The following PLEKHG4B variants were observed in gnomAD, a reference collection of about 807,000 sequenced individuals.
PLEKHG4B encodes the protein pleckstrin homology domain-containing family G member 4B.
In PLEKHG4B, 111 loss-of-function variants were observed where a neutral mutation model predicts 121.3. The observed-to-expected ratio is 0.92, with a 90% CI of 0.78 to 1.07. PLEKHG4B has a LOEUF of 1.07. PLEKHG4B is among the 50% of genes least tolerant of loss of function. The probability of loss-of-function intolerance (pLI) is 0.00; values close to 1 mark genes in which losing one functional copy is unlikely to be tolerated. For synonymous variants in PLEKHG4B, 738 were observed against 725.0 expected (o/e 1.02, Z -0.29); for missense variants, 1,831 against 1,757.8 (o/e 1.04, Z -0.74).
chr5:144,934 G>A lies in PLEKHG4B; in HGVS notation c.1905+14G>A. 3 of 1,611,060 alleles carry A rather than the reference G, an allele frequency of 1.9e-6. No individual in the cohort carries two copies. The highest frequency in any genetic ancestry group is 2.5e-6 in the Non-Finnish European group (3 of 1,178,322). On this transcript the variant is annotated intron_variant, in intron 6 of 19. Transcript: ENST00000637938. ...TCAGGATTGCAGGTACGGCAAGGTTGTCATATCCCTTGGGTGTGCAGAGCA... is the reference window on the plus strand; with the variant it reads ...TCAGGATTGCAGGTACGGCAAGGTTATCATATCCCTTGGGTGTGCAGAGCA...
chr5:102,588 G>A (rs1210717014), intron 1 of PLEKHG4B, among the ~76,000 whole-genome samples: 1 of 152,194 alleles, frequency 6.6e-6, no homozygotes, highest in Non-Finnish European at 1.5e-5. Context: ...TGTAAGACAC[G>A]AGTTCCCCTT....
At chr5:107,783 G>C (rs970220249) in intron 1 of PLEKHG4B, among the ~76,000 whole-genome samples, 2 of 152,216 alleles carry the variant, frequency 1.3e-5, no homozygotes, top group African/African-American at 2.4e-5. Context: ...AGCTCTGGCT[G>C]GACCTCGGTG....
Position 173,074 on chromosome 5 carries a change from C to T in PLEKHG4B, c.4221+7C>T. On this transcript the variant is annotated splice_region_variant and intron_variant, in intron 17 of 19. Coordinates refer to ENST00000637938, the MANE Select transcript of PLEKHG4B (RefSeq NM_052909.5). The stretch of plus-strand genomic sequence containing the variant: ...GTACAAGCAGTCCTTCAAGGTAGCA[C>T]CCGCCCGGTCCGATTGGGTGCAGGC... 1 of 1,613,136 alleles carries T rather than the reference C, an allele frequency of 6.2e-7. No individual in the cohort carries two copies. Among genetic ancestry groups the T allele is most frequent in the Non-Finnish European group, 8.5e-7 (1 of 1,179,220 alleles).
chr5:111,667 T>TG (rs1345288761), intron 1 of PLEKHG4B, among the ~76,000 whole-genome samples: 1 of 152,108 alleles, frequency 6.6e-6, no homozygotes, highest in Non-Finnish European at 1.5e-5. Flanking sequence ...GATGGCCCAG[T>TG]GTCGGCATTT....
chr5:106,985 G>A (rs1012925884), intron 1 of PLEKHG4B, among the ~76,000 whole-genome samples: 3 of 152,222 alleles, frequency 2.0e-5, no homozygotes, highest in Non-Finnish European at 4.4e-5. Flanking sequence ...GTTCTTATCC[G>A]ATTCTTTTCC....
intron 2 of PLEKHG4B, among the ~76,000 whole-genome samples, chr5:123,302 A>C (rs916854378): frequency 2.6e-5 from 4 of 152,212 alleles, no homozygotes; most frequent in African/African-American, 9.6e-5. Flanking sequence ...TGTATTTCTA[A>C]ATAATCCATG....
chr5:150,664 A>C (rs1735577396), intron 6 of PLEKHG4B, among the ~76,000 whole-genome samples: 1 of 152,252 alleles, frequency 6.6e-6, no homozygotes, highest in Non-Finnish European at 1.5e-5. Context: ...GCAAATAAGC[A>C]CATAAAAATA....
chr5:134,076 AATATATATATATATATATATATATATAT>A lies in PLEKHG4B; in HGVS notation c.244-5388_244-5361del, dbSNP rs67940117. Reference sequence around the variant, plus strand: ...ATGATAGAATATATATATATGATAGAATATATATATATATATATATATATATATATATATATATATATATATGTGATGG... The same window carrying A: ...ATGATAGAATATATATATATGATAGAATATATATATATATATATGTGATGG... On this transcript the variant is annotated intron_variant, in intron 2 of 19. Coordinates refer to ENST00000637938, the MANE Select transcript of PLEKHG4B (RefSeq NM_052909.5). 4.1e-3 allele frequency among the ~76,000 whole-genome samples: 165 copies of A among 40,296 alleles called. 3 individuals are homozygous for A. Among genetic ancestry groups the A allele is most frequent in the Middle Eastern group, 0.022 (1 of 46 alleles). The allele number at this position is 40,296 out of a possible 152,430, so 26.4% of individuals were successfully genotyped here.
rs1213351692 is a variant in PLEKHG4B, at chr5:163,234, G to C, written c.3162G>C (p.Glu1054Asp). 1 of 1,607,490 alleles carries C rather than the reference G, an allele frequency of 6.2e-7. No homozygotes were observed. Among genetic ancestry groups the C allele is most frequent in the Admixed American group, 1.7e-5 (1 of 59,490 alleles). ...CAGGGGCCACCACGGCCCACCTGGA[G>C]GACAGCTCTGCCTGTTCCTCTGAGC... The part of the protein sequence containing the change: ...PGAGATTAHL[E>D]DSSACSSEPT... The change falls in exon 13 of 20, where the codon GAG becomes GAC. Residue 1054 changes from glutamate (E) to aspartate (D), a missense_variant. Physicochemically the swap from Glu to Asp is conservative, Grantham distance 45. Coordinates refer to ENST00000637938, the MANE Select transcript of PLEKHG4B (RefSeq NM_052909.5).
At chr5:172,864 T>C in intron 16 of PLEKHG4B, 33 bp from the exon 17 acceptor site, 2 of 1,612,176 alleles carry the variant, frequency 1.2e-6, no homozygotes, top group South Asian at 1.1e-5. Flanking sequence ...CCGGATTTTC[T>C]TGGATGAAAT....
Position 113,287 on chromosome 5 carries a change from C to T in PLEKHG4B, c.82C>T (p.Leu28Phe). Residue 28 changes from leucine (L) to phenylalanine (F), a missense_variant, in exon 2 of 20, where the codon CTC (leucine) becomes TTC (phenylalanine). Leu to Phe is a conservative substitution (Grantham distance 22, BLOSUM62 0). Coordinates refer to ENST00000637938, the MANE Select transcript of PLEKHG4B (RefSeq NM_052909.5). This position sits in a 1 kb window ranked among gnomAD's most constrained non-coding sequence, Gnocchi z 5.2. The part of the protein sequence containing the change: ...ESLDACIQRT[L>F]SALYPPFEAT... The stretch of plus-strand genomic sequence containing the variant: ...TCTTGATGCCTGTATCCAGAGGACG[C>T]TCTCTGCCTTGTACCCACCGTTTGA... 1 of 399,102 alleles carries T rather than the reference C, an allele frequency of 2.5e-6. No homozygotes were observed. The highest frequency in any genetic ancestry group is 4.4e-6 in the Non-Finnish European group (1 of 226,110). The allele number at this position is 399,102 out of a possible 1,614,324, so 24.7% of individuals were successfully genotyped here. A position where few individuals can be genotyped will look rare whatever the true frequency, so the allele number is the denominator to read the frequency against.
intron 1 of PLEKHG4B, among the ~76,000 whole-genome samples, chr5:108,260 C>G (rs1276780499): frequency 6.6e-6 from 1 of 152,224 alleles, no homozygotes; most frequent in Non-Finnish European, 1.5e-5. Context: ...TTGCTGAACT[C>G]TTCAAAGAAC....
chr5:140,672 C>G lies in PLEKHG4B; in HGVS notation c.1433C>G (p.Pro478Arg), dbSNP rs1010949506. The G allele has an allele frequency of 6.2e-7, 1 of 1,602,610 alleles. No homozygotes were observed. Among genetic ancestry groups the G allele is most frequent in the East Asian group, 2.2e-5 (1 of 44,724 alleles). ...CTAGGAGGACAAGCTGTGGGGACCC[C>G]AAACTGTGTCCCAGTAGAGGGTCCC... ...GHLGGQAVGT[P>R]NCVPVEGPGC... The change falls in exon 3 of 20, where the codon CCA (proline) becomes CGA (arginine). Residue 478 changes from proline to arginine, a missense_variant. Pro to Arg is a moderately radical substitution (Grantham distance 103). Transcript: ENST00000637938.
At position 159,004 on chromosome 5, in the gene PLEKHG4B, C is replaced by T. The variant is rs976042717; in HGVS notation, c.2487+2093C>T. Among the ~76,000 whole-genome samples, 3 of 152,142 alleles carry T rather than the reference C, an allele frequency of 2.0e-5. No individual in the cohort carries two copies. Among genetic ancestry groups the T allele is most frequent in the African/African-American group, 2.4e-5 (1 of 41,416 alleles). On this transcript the variant is annotated intron_variant, in intron 11 of 19. Coordinates refer to ENST00000637938, the MANE Select transcript of PLEKHG4B (RefSeq NM_052909.5). This position sits in a 1 kb window ranked among gnomAD's most constrained non-coding sequence, Gnocchi z 5.5. ...GCCAGCAGTCACTTTAGTTTCCCTT[C>T]GCCAGCTGGAAGGCCCTGCGCCTGT...
At chr5:152,489 GC>G (rs1473519568) in intron 7 of PLEKHG4B, among the ~76,000 whole-genome samples, 3 of 152,084 alleles carry the variant, frequency 2.0e-5, no homozygotes, top group African/African-American at 7.2e-5. Context: ...GGGATTGTAG[GC>G]CTGAGCCACA....
chr5:98,603 TTGTGTGTGTGTGTGTG>T (rs35724214), intron 1 of PLEKHG4B, among the ~76,000 whole-genome samples: 13 of 111,590 alleles, frequency 1.2e-4, no homozygotes, highest in South Asian at 6.4e-4. Flanking sequence ...CCTGGCTAAT[TTGTGTGTGTGTGTGTG>T]TGTGTGTGTG....
chr5:106,550 A>C (rs1010112270), intron 1 of PLEKHG4B, among the ~76,000 whole-genome samples: 1 of 152,180 alleles, frequency 6.6e-6, no homozygotes, highest in Admixed American at 6.5e-5. Flanking sequence ...AACATGTAGA[A>C]CTGCACTTTG....
At chr5:94,855 T>C (rs189814963) in intron 1 of PLEKHG4B, among the ~76,000 whole-genome samples, 89 of 152,220 alleles carry the variant, frequency 5.8e-4, no homozygotes, top group Non-Finnish European at 1.1e-3. Context: ...CTCTCTGAGC[T>C]TCAGTCTGTT....
In PLEKHG4B at chr5:183,461, GAAAGTT is replaced by G. The variant is rs1222591342; in HGVS notation, c.*1147_*1152del. ...GCTGAAATCGCAGCCCAGGCGTCCAGAAAGTTAAAGTTAAGAACCTATAATCCCAGC... is the reference window on the plus strand; with the variant it reads ...GCTGAAATCGCAGCCCAGGCGTCCAGAAAGTTAAGAACCTATAATCCCAGC... On this transcript the variant is annotated 3_prime_UTR_variant, in exon 20 of 20. Transcript: ENST00000637938. 2.0e-5 allele frequency: 3 copies of G among 152,194 alleles called. No homozygotes were observed. Among genetic ancestry groups the G allele is most frequent in the African/African-American group, 4.8e-5 (2 of 41,438 alleles). 9.4% of individuals were successfully genotyped at this position (152,194 alleles called of 1,614,324 possible).
Sources: allele counts gnomAD v4.1 joint callset (sites outside exome capture counted in the v4.1 genomes callset), GRCh38; gene constraint gnomAD v4.1.1; non-coding constraint Gnocchi (gnomAD v3.1); transcripts MANE v1.5; gene names NCBI Gene and HGNC (gene_info 2026-07-23, HGNC 2026-07-21).